MASTL: variants seen among roughly 807,000 people sequenced by gnomAD.
MASTL encodes microtubule associated serine/threonine kinase like.
In MASTL, 54 loss-of-function variants were observed where a neutral mutation model predicts 82.5. That is an observed-to-expected ratio of 0.65 (90% CI 0.53 to 0.82). The LOEUF is 0.82. MASTL is among the 40% of genes least tolerant of loss of function. The pLI, the probability that MASTL is intolerant of heterozygous loss-of-function variation, is 0.00. For missense variants in MASTL, 950 were observed against 1,047.8 expected, an observed-to-expected ratio of 0.91 and a Z score of 1.29; for synonymous variants, 323 against 368.9, an observed-to-expected ratio of 0.88 and a Z score of 1.43.
intron 11 of MASTL, among the ~76,000 whole-genome samples, chr10:27,186,124 T>G (rs542129005): frequency 6.6e-6 from 1 of 152,260 alleles, no homozygotes; most frequent in East Asian, 1.9e-4. Context: ...GCTTCTAAGT[T>G]AAGGCAAATC....
rs2057503383 is a variant in MASTL at position 27,159,598 on chromosome 10, TATTAA to T, written c.325-17_325-13del. 1.4e-6 allele frequency: 2 copies of T among 1,443,198 alleles called. No homozygotes were observed. Among genetic ancestry groups the T allele is most frequent in the African/African-American group, 1.4e-5 (1 of 71,364 alleles). The allele number at this position is 1,443,198 out of a possible 1,614,324, so 89.4% of individuals were successfully genotyped here. On this transcript the variant is annotated splice_polypyrimidine_tract_variant and intron_variant, in intron 2 of 11. Coordinates refer to ENST00000375940, the MANE Select transcript of MASTL (RefSeq NM_001172303.3). The surrounding 1 kb of genome is among the most constrained non-coding windows in gnomAD (Gnocchi z 4.0). Reference sequence around the variant, plus strand: ...TAATCATATTGTTTTTATTTCACAATATTAAATTCTTTTTTGAAAGGTAATGGAAT... The same window carrying T: ...TAATCATATTGTTTTTATTTCACAATATTCTTTTTTGAAAGGTAATGGAAT...
At chr10:27,179,125 A>T (rs975530512) in intron 9 of MASTL, among the ~76,000 whole-genome samples, 1 of 152,222 alleles carries the variant, frequency 6.6e-6, no homozygotes, top group Non-Finnish European at 1.5e-5. Context: ...CTAGACTAGG[A>T]TGCCTATTCT....
Position 27,155,937 on chromosome 10 carries a change from G to GCAC in MASTL, c.186+325_186+326insCAC, listed in dbSNP as rs1414318857. ...GGACTTGACCGAGGTGATTACATCG[G>GCAC]TCTTAGTACAACAGGCACTTAAAGC... is the stretch of plus-strand genomic sequence containing the variant. On this transcript the variant is annotated intron_variant, in intron 1 of 11. Transcript: ENST00000375940. Among the ~76,000 whole-genome samples the GCAC allele has an allele frequency of 7.2e-5, 11 of 152,350 alleles. No individual in the cohort carries two copies. In the East Asian group the frequency reaches 2.1e-3, roughly 29 times the overall value.
At chr10:27,169,604 G>A (rs1054206701) in intron 7 of MASTL, among the ~76,000 whole-genome samples, 2 of 151,230 alleles carry the variant, frequency 1.3e-5, no homozygotes, top group South Asian at 4.2e-4. Flanking sequence ...TATACCTATT[G>A]CAAAATAGAT....
In MASTL at chr10:27,162,832, G is replaced by A. The variant is rs1045145457; in HGVS notation, c.553+1650G>A. Among the ~76,000 whole-genome samples, 11 of 152,256 alleles carry A rather than the reference G, an allele frequency of 7.2e-5. No homozygotes were observed. The South Asian group carries it at 1.0e-3, about 14-fold the overall frequency. ...ACAATTCTTCATGTGGAAGTACAAA[G>A]TTCAACAGTTATGAATACCTAAAAC... On this transcript the variant is annotated intron_variant, in intron 4 of 11. Coordinates refer to ENST00000375940, the MANE Select transcript of MASTL (RefSeq NM_001172303.3).
Position 27,183,309 on chromosome 10 carries a change from C to T in MASTL, c.2482+1728C>T, listed in dbSNP as rs545536545. On this transcript the variant is annotated intron_variant, in intron 11 of 11. Transcript: ENST00000375940. ...GTTGTTGTTGTTGTTGAGACAGAGA[C>T]TTGCTCTGTCACCAGGCTGCAGTGC... 1.3e-4 allele frequency among the ~76,000 whole-genome samples: 20 copies of T among 152,140 alleles called. 1 individual carries two copies. Among genetic ancestry groups the T allele is most frequent in the Admixed American group, 1.2e-3 (19 of 15,258 alleles).
At chr10:27,178,148 T>A (rs1030016379) in intron 9 of MASTL, among the ~76,000 whole-genome samples, 1 of 152,202 alleles carries the variant, frequency 6.6e-6, no homozygotes, top group Non-Finnish European at 1.5e-5. Context: ...TCCCAGCACT[T>A]TGGGAGGCCG....
rs867441370 is a variant in MASTL at position 27,163,622 on chromosome 10, G to T, written c.554-1442G>T. On this transcript the variant is annotated intron_variant, in intron 4 of 11. Coordinates refer to ENST00000375940, the MANE Select transcript of MASTL (RefSeq NM_001172303.3). ...TATACTTTCATTTATTTACTTATTTGTTTTTTTTTTTTTTCTTTGAGACAG... is the reference window on the plus strand; with the variant it reads ...TATACTTTCATTTATTTACTTATTTTTTTTTTTTTTTTTTCTTTGAGACAG... Among the ~76,000 whole-genome samples the T allele has an allele frequency of 1.8e-3, 254 of 144,846 alleles. 2 individuals are homozygous for T. The highest frequency in any genetic ancestry group is 5.8e-3 in the African/African-American group (227 of 39,278).
In MASTL at chr10:27,158,670, C is replaced by T; in HGVS notation, c.308C>T (p.Ala103Val). 6.2e-7 allele frequency: 1 copy of T among 1,614,012 alleles called. No individual in the cohort carries two copies. The highest frequency in any genetic ancestry group is 1.1e-5 in the South Asian group (1 of 91,086). The change falls in exon 2 of 12, where the codon GCA (alanine) becomes GTA (valine). Residue 103 changes from alanine (A) to valine (V), a missense_variant. Transcript: ENST00000375940. ...CATTTGTATTATTCACTGCAGTCTGCAAACAATGTCTACTTGGTGAGTAAA... is the reference window on the plus strand; with the variant it reads ...CATTTGTATTATTCACTGCAGTCTGTAAACAATGTCTACTTGGTGAGTAAA... ...IVHLYYSLQS[A>V]NNVYLVMEYL...
In MASTL at chr10:27,181,222, T is replaced by TA. The variant is rs914673419; in HGVS notation, c.2380+166dup. Among the ~76,000 whole-genome samples the TA allele has an allele frequency of 7.8e-4, 116 of 148,260 alleles. 1 individual carries two copies. Among genetic ancestry groups the TA allele is most frequent in the Middle Eastern group, 3.5e-3 (1 of 286 alleles). Reference sequence around the variant, plus strand: ...CAACATGGTAAAACCCCATCTCTACTAAAAAAAAAATACAAAAAATTAGCC... The same window carrying TA: ...CAACATGGTAAAACCCCATCTCTACTAAAAAAAAAAATACAAAAAATTAGCC... On this transcript the variant is annotated intron_variant, in intron 10 of 11. Coordinates refer to ENST00000375940, the MANE Select transcript of MASTL (RefSeq NM_001172303.3).
chr10:27,173,827 C>G (rs1366422729), intron 9 of MASTL, among the ~76,000 whole-genome samples: 1 of 151,952 alleles, frequency 6.6e-6, no homozygotes, highest in African/African-American at 2.4e-5. Context: ...GATCCTCCCA[C>G]CTTGGCCTCC....
intron 11 of MASTL, 49 bp from the exon 12 acceptor site, chr10:27,186,330 C>T: frequency 6.6e-7 from 1 of 1,525,066 alleles, no homozygotes; most frequent in Non-Finnish European, 9.1e-7. Flanking sequence ...TAAAGCAGTA[C>T]TTACTTAGGT....
chr10:27,181,502 A>C lies in MASTL; in HGVS notation c.2403A>C (p.Glu801Asp). The change falls in exon 11 of 12, where the codon GAA becomes GAC. Residue 801 changes from glutamate to aspartate, a missense_variant. Transcript: ENST00000375940. ...TAGATATCCCTTGGCCAGAAGGTGA[A>C]GAAAAGTTATCTGATAATGCTCAAA... Reference protein sequence around the residue: ...LKRDIPWPEGEEKLSDNAQSA... With the variant: ...LKRDIPWPEGDEKLSDNAQSA... The C allele has an allele frequency of 6.2e-7, 1 of 1,612,484 alleles. No individual in the cohort carries two copies. Among genetic ancestry groups the C allele is most frequent in the South Asian group, 1.1e-5 (1 of 91,058 alleles).
chr10:27,172,375 T>G (rs1407976831), intron 8 of MASTL, among the ~76,000 whole-genome samples: 1 of 152,250 alleles, frequency 6.6e-6, no homozygotes, highest in South Asian at 2.1e-4. Context: ...CTTACAAAGT[T>G]GTTGTGAATG....
At chr10:27,185,909 G>T (rs2058701239) in intron 11 of MASTL, among the ~76,000 whole-genome samples, 1 of 151,846 alleles carries the variant, frequency 6.6e-6, no homozygotes, top group South Asian at 2.1e-4. Context: ...GCCCAACATG[G>T]CGAAACCCCG....
chr10:27,155,628 GT>G lies in MASTL; in HGVS notation c.186+17del. The G allele has an allele frequency of 6.2e-7, 1 of 1,614,016 alleles. No homozygotes were observed. The highest frequency in any genetic ancestry group is 8.5e-7 in the Non-Finnish European group (1 of 1,179,914). The stretch of plus-strand genomic sequence containing the variant: ...TGCAGTAAAGGTAGGAAGTCAACGA[GT>G]AGCAAGGAAGGGGTTAGGCCCTTCG... On this transcript the variant is annotated intron_variant, in intron 1 of 11. Transcript: ENST00000375940.
Position 27,187,946 on chromosome 10 carries a change from C to A in MASTL, c.*1410C>A, listed in dbSNP as rs1295941907. Among the ~76,000 whole-genome samples the A allele has an allele frequency of 6.6e-6, 1 of 152,124 alleles. No homozygotes were observed. Among genetic ancestry groups the A allele is most frequent in the Non-Finnish European group, 1.5e-5 (1 of 68,018 alleles). On this transcript the variant is annotated 3_prime_UTR_variant, in exon 12 of 12. Coordinates refer to ENST00000375940, the MANE Select transcript of MASTL (RefSeq NM_001172303.3). ...TCTTTTGCTTAATAAATATAACTAT[C>A]ACAAGTACATTATCTGTCAACATCA...
At chr10:27,183,273 TTG>T (rs2058432227) in intron 11 of MASTL, among the ~76,000 whole-genome samples, 2 of 22,392 alleles carry the variant, frequency 8.9e-5, no homozygotes, top group African/African-American at 1.2e-4. Context: ...AATTCTTTTG[TTG>T]TTGTTGTTGT....
chr10:27,187,518 G>A lies in MASTL; in HGVS notation c.*982G>A, dbSNP rs183159152. ...TGTAATCCCGGCACTTTGGGAGGCT[G>A]AGGCAGGCAAGTCGCTTGAGGCCTG... is the stretch of plus-strand genomic sequence containing the variant. On this transcript the variant is annotated 3_prime_UTR_variant, in exon 12 of 12. Transcript: ENST00000375940. Among the ~76,000 whole-genome samples the A allele has an allele frequency of 6.6e-6, 1 of 152,356 alleles. No homozygotes were observed. Among genetic ancestry groups the A allele is most frequent in the East Asian group, 1.9e-4 (1 of 5,184 alleles).
Sources: allele counts gnomAD v4.1 joint callset (sites outside exome capture counted in the v4.1 genomes callset), GRCh38; gene constraint gnomAD v4.1.1; non-coding constraint Gnocchi (gnomAD v3.1); transcripts MANE v1.5; gene names NCBI Gene and HGNC (gene_info 2026-07-23, HGNC 2026-07-21).